The following MITF variants were observed in gnomAD, a reference collection of about 807,000 sequenced individuals.
MITF encodes microphthalmia-associated transcription factor.
Under a neutral mutation model 60.5 loss-of-function variants are expected in MITF, and 17 were observed. That is an observed-to-expected ratio of 0.28 (90% CI 0.19 to 0.42). MITF has a LOEUF of 0.42. MITF is among the 10% of genes least tolerant of loss of function. The pLI is 1.00. For missense variants in MITF, 622 were observed against 683.5 expected (o/e 0.91, Z 1.00); for synonymous variants, 260 against 248.5 (o/e 1.05, Z -0.43).
At chr3:69,753,939 G>A (rs1459934361) in intron 1 of MITF, among the ~76,000 whole-genome samples, 1 of 152,162 alleles carries the variant, frequency 6.6e-6, no homozygotes. Context: ...TAAGAATTTG[G>A]GGACTGTTGG....
At chr3:69,925,267 C>CA (rs1293086749) in intron 2 of MITF, among the ~76,000 whole-genome samples, 8 of 152,032 alleles carry the variant, frequency 5.3e-5, no homozygotes, top group Non-Finnish European at 1.2e-4. Flanking sequence ...GCAACTTGCC[C>CA]AGGATTTGAA....
At chr3:69,761,296 T>C (rs765454130) in intron 1 of MITF, among the ~76,000 whole-genome samples, 2 of 152,148 alleles carry the variant, frequency 1.3e-5, no homozygotes, top group African/African-American at 4.8e-5. Flanking sequence ...GGTACAGTAT[T>C]TAAGTGTTTT....
At chr3:69,911,237 C>A (rs1047924365) in intron 2 of MITF, among the ~76,000 whole-genome samples, 2 of 152,150 alleles carry the variant, frequency 1.3e-5, no homozygotes, top group African/African-American at 4.8e-5. Flanking sequence ...CCTCACCGGC[C>A]GTGTGGAACT....
intron 1 of MITF, among the ~76,000 whole-genome samples, chr3:69,817,690 C>T (rs888737387): frequency 6.6e-6 from 1 of 152,054 alleles, no homozygotes; most frequent in Non-Finnish European, 1.5e-5. Flanking sequence ...TTCCAGATAA[C>T]ATTTTAGAAT....
intron 2 of MITF, among the ~76,000 whole-genome samples, chr3:69,906,984 G>T: frequency 6.6e-6 from 1 of 151,946 alleles, no homozygotes. Context: ...TATGTAAATT[G>T]CCCTATGTGG....
intron 1 of MITF, among the ~76,000 whole-genome samples, chr3:69,861,393 C>T (rs1303430960): frequency 1.3e-5 from 2 of 152,120 alleles, no homozygotes; most frequent in Non-Finnish European, 2.9e-5. Context: ...AAAAGGATTA[C>T]AAGTTGAATT....
In MITF at chr3:69,965,052, G is replaced by T; in HGVS notation, c.1385G>T (p.Gly462Val). ...DGTITFNNNL[G>V]TGTEANQAYS... ...ACCATCACCTTCAACAACAACCTCGGAACTGGGACTGAGGCCAACCAAGCC... is the reference window on the plus strand; with the variant it reads ...ACCATCACCTTCAACAACAACCTCGTAACTGGGACTGAGGCCAACCAAGCC... The change falls in exon 10 of 10, where the codon GGA (glycine) becomes GTA (valine). Residue 462 changes from glycine (G) to valine (V), a missense_variant. This residue lies in a region of MITF where 224 missense variants were observed against 209.5 expected (regional missense o/e 1.07). Transcript: ENST00000352241. The T allele has an allele frequency of 6.2e-7, 1 of 1,614,026 alleles. No homozygotes were observed. The highest frequency in any genetic ancestry group is 1.1e-5 in the South Asian group (1 of 91,076).
chr3:69,845,442 C>CTTTTTTTTTTTTTTTTTTT (rs751773040), intron 1 of MITF, among the ~76,000 whole-genome samples: 10 of 136,804 alleles, frequency 7.3e-5, no homozygotes, highest in Non-Finnish European at 9.3e-5. Flanking sequence ...TTTTTTCTTT[C>CTTTTTTTTTTTTTTTTTTT]TTTTTTTTTT....
intron 1 of MITF, among the ~76,000 whole-genome samples, chr3:69,756,276 C>T (rs1007631505): frequency 6.6e-6 from 1 of 152,116 alleles, no homozygotes; most frequent in African/African-American, 2.4e-5. Flanking sequence ...AATGCTCTCC[C>T]TCCCCTTGCC....
intron 1 of MITF, among the ~76,000 whole-genome samples, chr3:69,755,348 GT>G (rs1704096964): frequency 7.3e-6 from 1 of 136,458 alleles, no homozygotes; most frequent in African/African-American, 2.8e-5. Flanking sequence ...TTGGCAGCCT[GT>G]TTATATAGTT....
chr3:69,898,501 AG>A (rs1444749508), intron 2 of MITF, among the ~76,000 whole-genome samples: 1 of 152,226 alleles, frequency 6.6e-6, no homozygotes, highest in Non-Finnish European at 1.5e-5. Context: ...TTGTAGTTAA[AG>A]AAGAGTATTG....
intron 1 of MITF, among the ~76,000 whole-genome samples, chr3:69,767,691 G>A (rs2062321603): frequency 6.6e-6 from 1 of 152,164 alleles, no homozygotes; most frequent in South Asian, 2.1e-4. Context: ...GCAGCATAGT[G>A]TGGCACTGAG....
At chr3:69,938,344 C>A (rs111706486) in intron 3 of MITF, 26 of 1,569,716 alleles carry the variant, frequency 1.7e-5, no homozygotes, top group African/African-American at 1.5e-4. Context: ...CTCTTCCATG[C>A]CTTTCAGTTT....
intron 1 of MITF, among the ~76,000 whole-genome samples, chr3:69,829,457 C>G (rs752089120): frequency 6.6e-6 from 1 of 152,102 alleles, no homozygotes; most frequent in African/African-American, 2.4e-5. Context: ...TTAACTGTGA[C>G]TTTTGATCCA....
chr3:69,758,117 G>GTTATATGCA (rs142749311), intron 1 of MITF, among the ~76,000 whole-genome samples: 30 of 120,110 alleles, frequency 2.5e-4, no homozygotes, highest in Admixed American at 6.8e-4. Context: ...TATATCATAT[G>GTTATATGCA]CACACACACA....
At chr3:69,898,774 A>G (rs1435260308) in intron 2 of MITF, among the ~76,000 whole-genome samples, 2 of 152,224 alleles carry the variant, frequency 1.3e-5, no homozygotes, top group African/African-American at 2.4e-5. Context: ...TGACCTTGGA[A>G]AGAACAGGTT....
intron 1 of MITF, among the ~76,000 whole-genome samples, chr3:69,870,236 ACAAAT>A (rs2064199675): frequency 6.7e-6 from 1 of 149,766 alleles, no homozygotes; most frequent in Admixed American, 6.6e-5. Flanking sequence ...CACCAACTGC[ACAAAT>A]CAGAGTTGGT....
chr3:69,899,020 A>T (rs1195062390), intron 2 of MITF, among the ~76,000 whole-genome samples: 1 of 152,186 alleles, frequency 6.6e-6, no homozygotes, highest in East Asian at 1.9e-4. Flanking sequence ...AAAAAGATGT[A>T]TGAACACTAA....
intron 4 of MITF, among the ~76,000 whole-genome samples, chr3:69,939,730 G>T (rs1290731692): frequency 1.3e-5 from 2 of 151,960 alleles, no homozygotes; most frequent in Non-Finnish European, 2.9e-5. Context: ...AGAATGATAA[G>T]CAACAAAATT....
Sources: gnomAD v4.1 joint callset for allele counts (sites outside exome capture counted in the v4.1 genomes callset) on GRCh38, gnomAD v4.1.1 for gene constraint, gnomAD v4.1.1 regional missense constraint, MANE v1.5 for transcripts, NCBI Gene and HGNC (gene_info 2026-07-23, HGNC 2026-07-21) for gene names.